The following LMBR1 variants were observed in gnomAD, a reference collection of about 807,000 sequenced individuals.
LMBR1 encodes the protein limb development membrane protein 1, also known as limb region 1 protein homolog.
In LMBR1, 52 loss-of-function variants were observed where a neutral mutation model predicts 73.9. That is an observed-to-expected ratio of 0.70 (90% confidence interval 0.56 to 0.89). The LOEUF is 0.89. Ranked by LOEUF, LMBR1 falls within the 40% of genes least tolerant of loss-of-function variation. LMBR1 has a pLI of 0.00. For synonymous variants in LMBR1, 215 were observed against 209.4 expected, an observed-to-expected ratio of 1.03 and a Z score of -0.23; for missense variants, 539 against 579.8, an observed-to-expected ratio of 0.93 and a Z score of 0.72.
At chr7:156,696,572 C>A (rs1808329108) in intron 15 of LMBR1, among the ~76,000 whole-genome samples, 1 of 152,196 alleles carries the variant, frequency 6.6e-6, no homozygotes, top group Non-Finnish European at 1.5e-5. Context: ...GCACTTCTCA[C>A]ATAGCGGCAG....
In LMBR1 at chr7:156,829,841, G is replaced by A. The variant is rs150641300; in HGVS notation, c.180-3097C>T. Among the ~76,000 whole-genome samples the A allele has an allele frequency of 5.4e-4, 82 of 152,210 alleles. No homozygotes were observed. In the East Asian group the frequency reaches 0.014, roughly 26 times the overall value. ...ATCTGTGCCGATCTCTACCTCTGCC[G>A]TCTCCAGGGGCCTTGCTTCACCGGT... is the stretch of plus-strand genomic sequence containing the variant. On this transcript the variant is annotated intron_variant, in intron 3 of 16. Coordinates refer to ENST00000353442, the MANE Select transcript of LMBR1 (RefSeq NM_022458.4).
At position 156,680,403 on chromosome 7, in the gene LMBR1, A is replaced by AGAGAGAGTGTGTGTGTGT. The variant is rs1343950098; in HGVS notation, c.*3674_*3675insACACACACACACTCTCTC. Reference sequence around the variant, plus strand: ...GAGAGAGAGAGAGAGAGAGAGAGAGAGTGTGTGTGTGTGTGTGTGTGTAAT... The same window carrying AGAGAGAGTGTGTGTGTGT: ...GAGAGAGAGAGAGAGAGAGAGAGAGAGAGAGAGTGTGTGTGTGTGTGTGTGTGTGTGTGTGTGTGTAAT... On this transcript the variant is annotated 3_prime_UTR_variant, in exon 17 of 17. Coordinates refer to ENST00000353442, the MANE Select transcript of LMBR1 (RefSeq NM_022458.4). 9.5e-4 allele frequency: 119 copies of AGAGAGAGTGTGTGTGTGT among 125,150 alleles called. 2 individuals carry two copies. Among genetic ancestry groups the AGAGAGAGTGTGTGTGTGT allele is most frequent in the African/African-American group, 3.5e-3 (113 of 32,652 alleles). The allele number at this position is 125,150 out of a possible 1,614,324, so 7.8% of individuals were successfully genotyped here.
chr7:156,826,568 A>G, intron 4 of LMBR1, 37 bp downstream of exon 4: 1 of 1,273,134 alleles, frequency 7.9e-7, no homozygotes, highest in Non-Finnish European at 1.0e-6. Context: ...AAAAATTAAA[A>G]TATTAATTGT....
chr7:156,700,783 T>C (rs1809504338), intron 15 of LMBR1, among the ~76,000 whole-genome samples: 1 of 152,184 alleles, frequency 6.6e-6, no homozygotes, highest in African/African-American at 2.4e-5. Flanking sequence ...TTCCATATTT[T>C]CAGGTATCTT....
At chr7:156,866,665 G>T in intron 1 of LMBR1, among the ~76,000 whole-genome samples, 1 of 129,542 alleles carries the variant, frequency 7.7e-6, no homozygotes. Context: ...GAGTGCAGTG[G>T]CGCAAACTTG....
downstream of LMBR1, among the ~76,000 whole-genome samples, chr7:156,673,635 C>T (rs1042334266): frequency 6.6e-6 from 1 of 152,218 alleles, no homozygotes; most frequent in Non-Finnish European, 1.5e-5. Context: ...CCACCCCCTT[C>T]ATTCAAACCC....
chr7:156,880,980 T>C (rs980684777), intron 1 of LMBR1, among the ~76,000 whole-genome samples: 1 of 151,922 alleles, frequency 6.6e-6, no homozygotes, highest in Non-Finnish European at 1.5e-5. Context: ...TTAACAGAAA[T>C]AGAAAAAATA....
At chr7:156,886,897 A>C (rs1025230775) in intron 1 of LMBR1, among the ~76,000 whole-genome samples, 1 of 152,142 alleles carries the variant, frequency 6.6e-6, no homozygotes, top group African/African-American at 2.4e-5. Context: ...TAAACCTCAA[A>C]AGGGAGGGGG....
At chr7:156,712,497 C>G (rs1173626237) in intron 15 of LMBR1, among the ~76,000 whole-genome samples, 1 of 152,182 alleles carries the variant, frequency 6.6e-6, no homozygotes, top group African/African-American at 2.4e-5. Flanking sequence ...TCTGATCCAG[C>G]AATCCCAGTA....
chr7:156,856,383 T>C (rs1796976023), intron 1 of LMBR1, among the ~76,000 whole-genome samples: 1 of 152,128 alleles, frequency 6.6e-6, no homozygotes, highest in Non-Finnish European at 1.5e-5. Context: ...TAAAAGAACA[T>C]GACCACAGGA....
At chr7:156,744,101 C>G (rs984824833) in intron 9 of LMBR1, among the ~76,000 whole-genome samples, 1 of 152,092 alleles carries the variant, frequency 6.6e-6, no homozygotes, top group Admixed American at 6.6e-5. Flanking sequence ...CAGGGTCTCA[C>G]TTTATATTAC....
chr7:156,892,444 G>A (rs1803202604), intron 1 of LMBR1: 1 of 152,234 alleles, frequency 6.6e-6, no homozygotes, highest in Admixed American at 6.5e-5. Context: ...AGGCTCTCCG[G>A]GACGCCTGCG....
At chr7:156,880,483 C>G (rs1167156087) in intron 1 of LMBR1, among the ~76,000 whole-genome samples, 1 of 151,648 alleles carries the variant, frequency 6.6e-6, no homozygotes, top group African/African-American at 2.4e-5. Context: ...TACCTGTTTC[C>G]CTAAAACCTA....
chr7:156,673,714 G>A (rs1410217588), downstream of LMBR1, among the ~76,000 whole-genome samples: 1 of 152,060 alleles, frequency 6.6e-6, no homozygotes, highest in African/African-American at 2.4e-5. Context: ...CATCCTTAAA[G>A]CCAATACTCA....
intron 15 of LMBR1, among the ~76,000 whole-genome samples, chr7:156,699,175 C>T (rs1585243851): frequency 6.6e-6 from 1 of 151,970 alleles, no homozygotes; most frequent in African/African-American, 2.4e-5. Context: ...CTACAGTAAC[C>T]AAAACAGCAT....
intron 15 of LMBR1, among the ~76,000 whole-genome samples, chr7:156,689,791 C>T (rs1002865544): frequency 5.3e-5 from 8 of 152,128 alleles, no homozygotes; most frequent in African/African-American, 1.9e-4. Flanking sequence ...AGTTTCTCAG[C>T]TATTCATATT....
At chr7:156,809,649 T>C (rs1461290697) in intron 4 of LMBR1, among the ~76,000 whole-genome samples, 14 of 152,216 alleles carry the variant, frequency 9.2e-5, no homozygotes, top group Non-Finnish European at 1.5e-5. Context: ...TGGTTGAATC[T>C]ACAGATCTAG....
At chr7:156,725,886 T>G in intron 12 of LMBR1, 49 bp from the exon 13 acceptor site, 1 of 1,427,468 alleles carries the variant, frequency 7.0e-7, no homozygotes, top group Non-Finnish European at 9.8e-7. Context: ...ACCATTATAT[T>G]GGTTTCCCTA....
At chr7:156,860,171 A>C (rs1018643728) in intron 1 of LMBR1, among the ~76,000 whole-genome samples, 1 of 152,236 alleles carries the variant, frequency 6.6e-6, no homozygotes, top group Non-Finnish European at 1.5e-5. Context: ...CGATAAAGAC[A>C]TATCAGAAAC....
Sources: allele counts gnomAD v4.1 joint callset (sites outside exome capture counted in the v4.1 genomes callset), GRCh38; gene constraint gnomAD v4.1.1; transcripts MANE v1.5; gene names NCBI Gene and HGNC (gene_info 2026-07-23, HGNC 2026-07-21).